The following STON2 variants were observed in gnomAD, a reference collection of about 807,000 sequenced individuals.
STON2 encodes stonin-2.
In STON2, 29 loss-of-function variants were observed where a neutral mutation model predicts 65.7. The ratio of observed to expected loss-of-function variants is 0.44; its 90% CI spans 0.33 to 0.60. The LOEUF (loss-of-function observed/expected upper bound fraction) is 0.60, where lower values mean the gene tolerates loss of function less well. Among genes scored for constraint, STON2 ranks in the 20% least tolerant of loss-of-function variants. The probability of loss-of-function intolerance (pLI) is 0.03; values close to 1 mark genes in which losing one functional copy is unlikely to be tolerated. For synonymous variants in STON2, 404 were observed against 414.2 expected (o/e 0.98, Z 0.30); for missense variants, 1,054 against 1,118.1 (o/e 0.94, Z 0.82).
Position 81,371,122 on chromosome 14 carries a change from A to T in STON2, c.437T>A (p.Leu146Gln), listed in dbSNP as rs754354693. 1 of 1,614,182 alleles carries T rather than the reference A, an allele frequency of 6.2e-7. No individual in the cohort carries two copies. Among genetic ancestry groups the T allele is most frequent in the Non-Finnish European group, 8.5e-7 (1 of 1,180,012 alleles). Residue 146 changes from leucine (L) to glutamine (Q), a missense_variant, in exon 4 of 8, where the codon CTG (leucine) becomes CAG (glutamine). Physicochemically the swap from Leu to Gln is moderately radical, Grantham distance 113 (BLOSUM62 -2). Transcript: ENST00000614646. ...PSFDSLGRCP[L>Q]TSESSWTTHS... The stretch of plus-strand genomic sequence containing the variant: ...GGTGGTCCAGCTGCTCTCAGAAGTC[A>T]GAGGGCATCTCCCCAGGGAGTCAAA...
chr14:81,340,331 C>T lies in STON2; in HGVS notation c.572-16144G>A, dbSNP rs533077702. Among the ~76,000 whole-genome samples the T allele has an allele frequency of 4.6e-5, 7 of 152,216 alleles. No individual in the cohort carries two copies. The South Asian group carries it at 6.2e-4, about 14-fold the overall frequency. ...GAGAGAGAGGAAGTGATTATAAATG[C>T]ACACGAGGAACTATTGGGGTTAGTG... is the stretch of plus-strand genomic sequence containing the variant. On this transcript the variant is annotated intron_variant, in intron 4 of 7. Coordinates refer to ENST00000614646, the MANE Select transcript of STON2 (RefSeq NM_001394390.1).
chr14:81,403,770 G>A (rs1230818029), upstream of STON2, among the ~76,000 whole-genome samples: 1 of 152,098 alleles, frequency 6.6e-6, no homozygotes, highest in Non-Finnish European at 1.5e-5. Context: ...TTTCCTGCTT[G>A]TATTAGCCAA....
intron 5 of STON2, among the ~76,000 whole-genome samples, chr14:81,301,884 G>C (rs1895983569): frequency 1.3e-5 from 2 of 152,124 alleles, no homozygotes; most frequent in Non-Finnish European, 2.9e-5. Context: ...CTCCAGAAAT[G>C]CTTGCTTCTC....
At chr14:81,302,426 T>C (rs1896002008) in intron 5 of STON2, among the ~76,000 whole-genome samples, 2 of 152,226 alleles carry the variant, frequency 1.3e-5, no homozygotes, top group Non-Finnish European at 2.9e-5. Context: ...AGGCTCAGTA[T>C]CCCTTCGGAT....
At chr14:81,306,153 A>ATCTCTCTCTCTCTC (rs141736505) in intron 5 of STON2, among the ~76,000 whole-genome samples, 15 of 130,014 alleles carry the variant, frequency 1.2e-4, no homozygotes, top group African/African-American at 4.1e-4. Flanking sequence ...ATTCTTTTAA[A>ATCTCTCTCTCTCTC]TCTCTCTCTC....
rs1003181672 is a variant in STON2 at position 81,261,899 on chromosome 14, T to C, written c.*6515A>G. ...CTGTGTGTGGAAGGCAACTGCAATA[T>C]AGAGGATTTGGAAGGTTGTCTGTTT... On this transcript the variant is annotated 3_prime_UTR_variant, in exon 8 of 8. Transcript: ENST00000614646. 23 of 1,520,194 alleles carry C rather than the reference T, an allele frequency of 1.5e-5. No individual in the cohort carries two copies. In the African/African-American group the frequency reaches 2.7e-4, roughly 18 times the overall value. 94.2% of individuals were successfully genotyped at this position (1,520,194 alleles called of 1,614,324 possible). A position where few individuals can be genotyped will look rare whatever the true frequency, so the allele number is the denominator to read the frequency against.
At chr14:81,316,745 G>T (rs1255781658) in intron 5 of STON2, among the ~76,000 whole-genome samples, 1 of 152,214 alleles carries the variant, frequency 6.6e-6, no homozygotes, top group Non-Finnish European at 1.5e-5. Context: ...GTTTGGCCGG[G>T]CGTGGTGGCT....
At chr14:81,425,330 G>C (rs1313381891) in intron 2 of STON2, among the ~76,000 whole-genome samples, 1 of 152,170 alleles carries the variant, frequency 6.6e-6, no homozygotes, top group African/African-American at 2.4e-5. Context: ...ACCACTTTAA[G>C]AGGCTGAGGA....
At position 81,262,736 on chromosome 14, in the gene STON2, T is replaced by G. The variant is rs1015665793; in HGVS notation, c.*5678A>C. ...CAATTCTCAAAACAACTAGACTCTTTCCAGCAGATTTGCTAAGGCACACTA... is the reference window on the plus strand; with the variant it reads ...CAATTCTCAAAACAACTAGACTCTTGCCAGCAGATTTGCTAAGGCACACTA... On this transcript the variant is annotated 3_prime_UTR_variant, in exon 8 of 8. Coordinates refer to ENST00000614646, the MANE Select transcript of STON2 (RefSeq NM_001394390.1). 2.0e-6 allele frequency: 2 copies of G among 985,360 alleles called. No homozygotes were observed. Among genetic ancestry groups the G allele is most frequent in the East Asian group, 1.1e-4 (1 of 8,830 alleles). The allele number at this position is 985,360 out of a possible 1,614,324, so 61.0% of individuals were successfully genotyped here.
At chr14:81,423,742 C>T (rs575674362) in intron 2 of STON2, among the ~76,000 whole-genome samples, 1 of 152,254 alleles carries the variant, frequency 6.6e-6, no homozygotes, top group South Asian at 2.1e-4. Flanking sequence ...GGGCCCCTGG[C>T]TGATCATGAT....
intron 2 of STON2, among the ~76,000 whole-genome samples, chr14:81,423,867 A>G (rs761177421): frequency 2.0e-5 from 3 of 152,232 alleles, no homozygotes; most frequent in Non-Finnish European, 4.4e-5. Flanking sequence ...GACAGCCACA[A>G]GGAACCAGGA....
chr14:81,427,529 G>A (rs1902038548), intron 1 of STON2: 1 of 152,140 alleles, frequency 6.6e-6, no homozygotes, highest in Non-Finnish European at 1.5e-5. Flanking sequence ...GCGCTCCAGG[G>A]TGCCTGAGTA....
chr14:81,385,199 G>A (rs1016987658), intron 3 of STON2, among the ~76,000 whole-genome samples: 1 of 152,184 alleles, frequency 6.6e-6, no homozygotes, highest in Non-Finnish European at 1.5e-5. Flanking sequence ...TAGGCCACAT[G>A]GCCTCTCTGG....
intron 3 of STON2, among the ~76,000 whole-genome samples, chr14:81,372,290 A>C (rs1309691454): frequency 6.6e-6 from 1 of 152,170 alleles, no homozygotes; most frequent in Non-Finnish European, 1.5e-5. Context: ...ACGGTGGCTC[A>C]CGCCTGTAAT....
At chr14:81,417,250 A>C (rs1901481794) in intron 2 of STON2, among the ~76,000 whole-genome samples, 1 of 152,050 alleles carries the variant, frequency 6.6e-6, no homozygotes, top group Non-Finnish European at 1.5e-5. Context: ...CTCTTATCTG[A>C]CGCTGCCCCT....
chr14:81,323,756 T>C (rs997902621), intron 5 of STON2: 1 of 152,208 alleles, frequency 6.6e-6, no homozygotes, highest in African/African-American at 2.4e-5. Context: ...TTTGTTTTTC[T>C]ACAGTGCCAA....
At chr14:81,352,560 C>T (rs1176293081) in intron 4 of STON2, among the ~76,000 whole-genome samples, 1 of 152,110 alleles carries the variant, frequency 6.6e-6, no homozygotes, top group Non-Finnish European at 1.5e-5. Context: ...GAGGAGTGAC[C>T]CTTCCTGAGG....
At position 81,265,054 on chromosome 14, in the gene STON2, A is replaced by G; in HGVS notation, c.*3360T>C. 1 of 981,432 alleles carries G rather than the reference A, an allele frequency of 1.0e-6. No individual in the cohort carries two copies. Among genetic ancestry groups the G allele is most frequent in the African/African-American group, 1.7e-5 (1 of 57,202 alleles). 60.8% of individuals were successfully genotyped at this position (981,432 alleles called of 1,614,324 possible). A position where few individuals can be genotyped will look rare whatever the true frequency, so the allele number is the denominator to read the frequency against. On this transcript the variant is annotated 3_prime_UTR_variant, in exon 8 of 8. Transcript: ENST00000614646. ...CATTTTTAATATTTTCACATTATTG[A>G]TAACAAAGATTATTTGTGACCACAA...
intron 3 of STON2, among the ~76,000 whole-genome samples, chr14:81,390,251 A>G (rs1900017068): frequency 1.3e-5 from 2 of 152,124 alleles, no homozygotes; most frequent in Admixed American, 1.3e-4. Context: ...TTGAAAGACA[A>G]CCGCAAGAGA....
Sources: allele counts gnomAD v4.1 joint callset (sites outside exome capture counted in the v4.1 genomes callset), GRCh38; gene constraint gnomAD v4.1.1; transcripts MANE v1.5; gene names NCBI Gene and HGNC (gene_info 2026-07-23, HGNC 2026-07-21).